SYNE3: variants seen among roughly 807,000 people sequenced by gnomAD.
SYNE3 encodes nesprin-3.
SYNE3 carries 100 observed loss-of-function variants against 111.2 expected under a neutral mutation model. That is an observed-to-expected ratio of 0.90 (90% CI 0.77 to 1.06). The LOEUF is 1.06. SYNE3 is among the 50% of genes least tolerant of loss of function. SYNE3 has a pLI of 0.00. For missense variants in SYNE3, 1,160 were observed against 1,240.3 expected, an observed-to-expected ratio of 0.94 and a Z score of 0.97; for synonymous variants, 547 against 533.9, an observed-to-expected ratio of 1.02 and a Z score of -0.34.
At position 95,479,224 on chromosome 14, in the gene SYNE3, C is replaced by CAAAAAAAAAAAAAAAAAAAAAAAAAA. The variant is rs71132351; in HGVS notation, c.-14-3415_-14-3390dup. On this transcript the variant is annotated intron_variant, in intron 1 of 17. Coordinates refer to ENST00000682763, the MANE Select transcript of SYNE3 (RefSeq NM_152592.6). ...CAGCATAGTGAGACCTCGTCTCTAC[C>CAAAAAAAAAAAAAAAAAAAAAAAAAA]AAAAAAAAAAAAAAAAAAAAAAAAA... Among the ~76,000 whole-genome samples, 3 of 86,298 alleles carry CAAAAAAAAAAAAAAAAAAAAAAAAAA rather than the reference C, an allele frequency of 3.5e-5. No homozygotes were observed. The Admixed American group carries it at 5.1e-4, about 15-fold the overall frequency. The allele number at this position is 86,298 out of a possible 152,430, so 56.6% of individuals were successfully genotyped here. A position where few individuals can be genotyped will look rare whatever the true frequency, so the allele number is the denominator to read the frequency against.
chr14:95,432,062 G>GAT lies in SYNE3; in HGVS notation c.2727+15_2727+16dup, dbSNP rs1466076212. ...CCCTGCCTGCTAGCCGTGTGGAGCA[G>GAT]ATGGCAGACACTGTACCTTTTGGAA... On this transcript the variant is annotated intron_variant, in intron 17 of 17. Transcript: ENST00000682763. 9.3e-6 allele frequency: 15 copies of GAT among 1,610,216 alleles called. No homozygotes were observed. Among genetic ancestry groups the GAT allele is most frequent in the African/African-American group, 1.3e-5 (1 of 74,890 alleles).
At chr14:95,494,839 G>A (rs1270582559) in intron 1 of SYNE3, among the ~76,000 whole-genome samples, 5 of 152,322 alleles carry the variant, frequency 3.3e-5, no homozygotes, top group South Asian at 2.1e-4. Flanking sequence ...GGTGCTGGGC[G>A]CCGTGGCTCA....
intron 1 of SYNE3, among the ~76,000 whole-genome samples, chr14:95,513,736 ATTATAT>A (rs928272773): frequency 5.5e-5 from 2 of 36,416 alleles, no homozygotes; most frequent in Admixed American, 3.7e-4. Flanking sequence ...GGCTGCTTAG[ATTATAT>A]ATATATATAT....
At chr14:95,480,415 C>A (rs972376485) in intron 1 of SYNE3, among the ~76,000 whole-genome samples, 1 of 152,122 alleles carries the variant, frequency 6.6e-6, no homozygotes, top group Non-Finnish European at 1.5e-5. Flanking sequence ...ATGATGGAAA[C>A]CCCCGAGCTG....
chr14:95,513,688 A>G (rs1216754550), intron 1 of SYNE3, among the ~76,000 whole-genome samples: 1 of 147,016 alleles, frequency 6.8e-6, no homozygotes, highest in East Asian at 2.0e-4. Context: ...GTCAGGAAAC[A>G]CTGCTGCTCC....
rs757497360 is a variant in SYNE3 at position 95,436,873 on chromosome 14, C to T, written c.2485G>A (p.Ala829Thr). 35 of 1,614,054 alleles carry T rather than the reference C, an allele frequency of 2.2e-5. No homozygotes were observed. Among genetic ancestry groups the T allele is most frequent in the African/African-American group, 8.0e-5 (6 of 74,902 alleles). Residue 829 changes from alanine (A) to threonine (T), a missense_variant, in exon 15 of 18, where the codon GCA becomes ACA. Transcript: ENST00000682763. ...TCCTCAGCTGTAGAAGTTCTCATTG[C>T]GATGATTCTAACCAGCTTGGAGTTT... ...VENSKLVRII[A>T]MRTSTAEDLR... is the part of the protein sequence containing the mutation.
At chr14:95,506,639 G>A (rs17092611) in intron 1 of SYNE3, among the ~76,000 whole-genome samples, 27 of 152,308 alleles carry the variant, frequency 1.8e-4, no homozygotes, top group Non-Finnish European at 2.6e-4. Flanking sequence ...GCAAAGTCAC[G>A]TCCTCAGCTA....
At chr14:95,467,090 T>G (rs1480514264) in intron 3 of SYNE3, among the ~76,000 whole-genome samples, 1 of 152,170 alleles carries the variant, frequency 6.6e-6, no homozygotes, top group Non-Finnish European at 1.5e-5. Context: ...CAACATCAAG[T>G]CACTGTGTTA....
chr14:95,460,792 A>G (rs923618442), intron 4 of SYNE3, among the ~76,000 whole-genome samples: 1 of 152,152 alleles, frequency 6.6e-6, no homozygotes, highest in African/African-American at 2.4e-5. Context: ...TCATGAAACA[A>G]AGTGGGTCAG....
chr14:95,510,411 G>A (rs1473214663), intron 1 of SYNE3, among the ~76,000 whole-genome samples: 1 of 152,218 alleles, frequency 6.6e-6, no homozygotes, highest in Non-Finnish European at 1.5e-5. Flanking sequence ...TGGAACACAG[G>A]TCTCTTTGAG....
chr14:95,498,821 T>TC (rs924607296), intron 1 of SYNE3, among the ~76,000 whole-genome samples: 1 of 151,506 alleles, frequency 6.6e-6, no homozygotes, highest in African/African-American at 2.4e-5. Flanking sequence ...CACCTCTCAG[T>TC]CCCCCCCAGG....
intron 4 of SYNE3, among the ~76,000 whole-genome samples, chr14:95,464,150 T>C (rs3783286): frequency 0.68 from 103,802 of 151,794 alleles, 35,644 homozygotes; most frequent in Admixed American, 0.73. Context: ...ATGTTCAGTT[T>C]CAGCGCTATA....
intron 1 of SYNE3, among the ~76,000 whole-genome samples, chr14:95,484,305 G>A (rs1187150113): frequency 6.6e-6 from 1 of 152,188 alleles, no homozygotes; most frequent in Non-Finnish European, 1.5e-5. Context: ...TGTTCCTAGG[G>A]CAGGGTGGGT....
At chr14:95,510,087 G>A (rs1307453328) in intron 1 of SYNE3, among the ~76,000 whole-genome samples, 4 of 152,092 alleles carry the variant, frequency 2.6e-5, no homozygotes, top group Non-Finnish European at 4.4e-5. Context: ...CTTCTCCAGC[G>A]CCCACACACA....
intron 1 of SYNE3, among the ~76,000 whole-genome samples, chr14:95,505,447 C>T (rs1890494891): frequency 6.6e-6 from 1 of 152,202 alleles, no homozygotes; most frequent in African/African-American, 2.4e-5. Flanking sequence ...CCTGGGTTAG[C>T]GATCTCATTG....
intron 4 of SYNE3, 107 bp from the exon 5 acceptor site, chr14:95,457,445 T>TGTG: frequency 5.2e-6 from 7 of 1,337,506 alleles, no homozygotes; most frequent in East Asian, 2.3e-5. Context: ...TGTGTGTGTG[T>TGTG]TAGCAGGGGG....
At chr14:95,441,435 A>G (rs1258722314) in intron 11 of SYNE3, among the ~76,000 whole-genome samples, 1 of 152,260 alleles carries the variant, frequency 6.6e-6, no homozygotes, top group African/African-American at 2.4e-5. Flanking sequence ...CCAGGGGGAC[A>G]CAGAGACTGC....
At chr14:95,449,614 G>T in intron 8 of SYNE3, 1 of 985,466 alleles carries the variant, frequency 1.0e-6, no homozygotes, top group Non-Finnish European at 1.2e-6. Flanking sequence ...TTGCCACTTG[G>T]AGCTGCAGTA....
intron 4 of SYNE3, among the ~76,000 whole-genome samples, chr14:95,458,322 C>T (rs1284240981): frequency 3.9e-5 from 6 of 152,156 alleles, no homozygotes; most frequent in South Asian, 4.1e-4. Flanking sequence ...GTGGCTTGAA[C>T]CTTGGCCCCA....
Sources: gnomAD v4.1 joint callset for allele counts (sites outside exome capture counted in the v4.1 genomes callset) on GRCh38, gnomAD v4.1.1 for gene constraint, MANE v1.5 for transcripts, NCBI Gene and HGNC (gene_info 2026-07-23, HGNC 2026-07-21) for gene names.